Variants in UBE2QL1 observed in about 807,000 individuals in gnomAD.
UBE2QL1 encodes ubiquitin-conjugating enzyme E2Q-like protein 1.
In UBE2QL1, 5 loss-of-function variants were observed where a neutral mutation model predicts 12.6. The ratio of observed to expected loss-of-function variants is 0.40; its 90% CI spans 0.21 to 0.83. UBE2QL1 has a LOEUF of 0.83. Among genes scored for constraint, UBE2QL1 ranks in the 40% least tolerant of loss-of-function variants. UBE2QL1 has a pLI of 0.37. For missense variants in UBE2QL1, 99 were observed against 222.6 expected (o/e 0.44, Z 3.53); for synonymous variants, 96 against 94.5 (o/e 1.02, Z -0.10).
intron 1 of UBE2QL1, among the ~76,000 whole-genome samples, chr5:6,467,621 C>T (rs1273238699): frequency 1.3e-5 from 2 of 152,072 alleles, no homozygotes; most frequent in South Asian, 2.1e-4. Flanking sequence ...TGAGAGGACA[C>T]AGCTCAGCCC....
chr5:6,475,401 C>A (rs1297146826), intron 1 of UBE2QL1, among the ~76,000 whole-genome samples: 2 of 118,438 alleles, frequency 1.7e-5, no homozygotes, highest in African/African-American at 2.6e-5. Context: ...CCACAGAGAT[C>A]CCGAATTTGC....
At chr5:6,454,617 GC>G in intron 1 of UBE2QL1, among the ~76,000 whole-genome samples, 1 of 152,188 alleles carries the variant, frequency 6.6e-6, no homozygotes, top group East Asian at 1.9e-4. Flanking sequence ...AGTTTGAAAA[GC>G]AGTAGATGAA....
chr5:6,479,397 C>T lies in UBE2QL1; in HGVS notation c.355-11821C>T, dbSNP rs1381893208. Among the ~76,000 whole-genome samples, 5 of 152,044 alleles carry T rather than the reference C, an allele frequency of 3.3e-5. No homozygotes were observed. Among genetic ancestry groups the T allele is most frequent in the African/African-American group, 7.2e-5 (3 of 41,390 alleles). On this transcript the variant is annotated intron_variant, in intron 1 of 1. Coordinates refer to ENST00000399816, the MANE Select transcript of UBE2QL1 (RefSeq NM_001145161.3). The surrounding 1 kb of genome is among the most constrained non-coding windows in gnomAD (Gnocchi z 4.2). Reference sequence around the variant, plus strand: ...TGTTTCTTGCAGGTCACTCACTGAGCGTAGGAGCAGACAGAGCTGACTTCA... The same window carrying T: ...TGTTTCTTGCAGGTCACTCACTGAGTGTAGGAGCAGACAGAGCTGACTTCA...
chr5:6,482,044 G>T (rs1734373251), intron 1 of UBE2QL1, among the ~76,000 whole-genome samples: 2 of 152,322 alleles, frequency 1.3e-5, no homozygotes, highest in South Asian at 4.1e-4. Flanking sequence ...GGGTTAGGGT[G>T]GTCCCTAATC....
intron 1 of UBE2QL1, among the ~76,000 whole-genome samples, chr5:6,490,987 AC>A (rs202161577): frequency 1.1e-4 from 17 of 151,548 alleles, no homozygotes; most frequent in Middle Eastern, 6.8e-3. Flanking sequence ...TAAAGACAGC[AC>A]CCCCCTCCCC....
At chr5:6,484,058 A>G (rs1734417643) in intron 1 of UBE2QL1, among the ~76,000 whole-genome samples, 1 of 152,150 alleles carries the variant, frequency 6.6e-6, no homozygotes, top group South Asian at 2.1e-4. Flanking sequence ...GAAACCATTC[A>G]ACACATTTTT....
At chr5:6,480,933 G>T (rs2126364483) in intron 1 of UBE2QL1, among the ~76,000 whole-genome samples, 1 of 152,188 alleles carries the variant, frequency 6.6e-6, no homozygotes, top group Admixed American at 6.5e-5. Context: ...TAAACCTCTG[G>T]GGGTTACAGG....
intron 1 of UBE2QL1, among the ~76,000 whole-genome samples, chr5:6,454,228 C>A (rs1318812895): frequency 6.6e-6 from 1 of 152,088 alleles, no homozygotes; most frequent in Non-Finnish European, 1.5e-5. Flanking sequence ...GTTGCTGGGG[C>A]TGCCATAACA....
intron 1 of UBE2QL1, among the ~76,000 whole-genome samples, chr5:6,457,004 C>T (rs910222133): frequency 4.0e-5 from 6 of 151,870 alleles, no homozygotes; most frequent in South Asian, 2.1e-4. Context: ...GGTGCCTGTC[C>T]TCTGCTTGGA....
intron 1 of UBE2QL1, among the ~76,000 whole-genome samples, chr5:6,455,143 G>A (rs1233130013): frequency 6.6e-6 from 1 of 152,138 alleles, no homozygotes; most frequent in Non-Finnish European, 1.5e-5. Context: ...TAAGCGATGG[G>A]GGAGATTGGG....
intron 1 of UBE2QL1, among the ~76,000 whole-genome samples, chr5:6,451,243 T>C (rs1291609031): frequency 3.8e-5 from 2 of 53,016 alleles, no homozygotes; most frequent in South Asian, 8.2e-4. Context: ...AAATGAGAAA[T>C]GGGGATTTTT....
At chr5:6,459,074 G>A (rs1200493174) in intron 1 of UBE2QL1, among the ~76,000 whole-genome samples, 1 of 152,104 alleles carries the variant, frequency 6.6e-6, no homozygotes, top group Non-Finnish European at 1.5e-5. Flanking sequence ...TTCATCCAAT[G>A]TGAACAATGC....
intron 1 of UBE2QL1, among the ~76,000 whole-genome samples, chr5:6,450,777 A>C (rs1268006535): frequency 6.6e-6 from 1 of 152,212 alleles, no homozygotes; most frequent in Admixed American, 6.5e-5. Flanking sequence ...TTTAGGTTCC[A>C]CACATTTCCC....
chr5:6,483,181 A>G (rs1271207570), intron 1 of UBE2QL1, among the ~76,000 whole-genome samples: 1 of 152,160 alleles, frequency 6.6e-6, no homozygotes, highest in Admixed American at 6.5e-5. Flanking sequence ...CATGCCTGTA[A>G]TCCCAGCACT....
chr5:6,491,443 T>C lies in UBE2QL1; in HGVS notation c.*94T>C. 4.2e-6 allele frequency: 6 copies of C among 1,426,700 alleles called. No homozygotes were observed. In the South Asian group the frequency reaches 8.0e-5, roughly 19 times the overall value. The allele number at this position is 1,426,700 out of a possible 1,614,324, so 88.4% of individuals were successfully genotyped here. A position where few individuals can be genotyped will look rare whatever the true frequency, so the allele number is the denominator to read the frequency against. ...ATGCTGTGCATCCTCCACCCGTTTT[T>C]ACTCCAGCCAGAACTGCATCCTGAA... On this transcript the variant is annotated 3_prime_UTR_variant, in exon 2 of 2. Coordinates refer to ENST00000399816, the MANE Select transcript of UBE2QL1 (RefSeq NM_001145161.3).
At chr5:6,452,582 C>A (rs573892980) in intron 1 of UBE2QL1, among the ~76,000 whole-genome samples, 1 of 152,252 alleles carries the variant, frequency 6.6e-6, no homozygotes, top group East Asian at 1.9e-4. Context: ...AGAATACAAC[C>A]CACAGCTCCA....
chr5:6,463,148 C>G (rs1286460761), intron 1 of UBE2QL1, among the ~76,000 whole-genome samples: 1 of 152,152 alleles, frequency 6.6e-6, no homozygotes, highest in African/African-American at 2.4e-5. Context: ...TCATTGTTAC[C>G]TGCTATTCCT....
chr5:6,487,862 C>T (rs539243447), intron 1 of UBE2QL1, among the ~76,000 whole-genome samples: 116 of 152,026 alleles, frequency 7.6e-4, no homozygotes, highest in Non-Finnish European at 1.3e-3. Context: ...GCAGGGAACA[C>T]GGGATGGAGG....
At position 6,495,941 on chromosome 5, in the gene UBE2QL1, ACT is replaced by A. The variant is rs1254679690; in HGVS notation, c.*4595_*4596del. Reference sequence around the variant, plus strand: ...GTCAATAATCTGGAAAGGCAAACAAACTCTGTTGACATTCGGGAAAGCAATAA... The same window carrying A: ...GTCAATAATCTGGAAAGGCAAACAAACTGTTGACATTCGGGAAAGCAATAA... On this transcript the variant is annotated 3_prime_UTR_variant, in exon 2 of 2. Transcript: ENST00000399816. Among the ~76,000 whole-genome samples, 1 of 152,084 alleles carries A rather than the reference ACT, an allele frequency of 6.6e-6. No homozygotes were observed. Among genetic ancestry groups the A allele is most frequent in the African/African-American group, 2.4e-5 (1 of 41,400 alleles).
Sources: gnomAD v4.1 joint callset for allele counts (sites outside exome capture counted in the v4.1 genomes callset) on GRCh38, gnomAD v4.1.1 for gene constraint, Gnocchi (gnomAD v3.1) non-coding constraint, MANE v1.5 for transcripts, NCBI Gene and HGNC (gene_info 2026-07-23, HGNC 2026-07-21) for gene names.